CWF19L2: variants seen among roughly 807,000 people sequenced by gnomAD.
CWF19L2 encodes CWF19-like protein 2.
CWF19L2 carries 98 observed loss-of-function variants against 111.7 expected under a neutral mutation model. The observed-to-expected ratio is 0.88, with a 90% CI of 0.75 to 1.04. The LOEUF (loss-of-function observed/expected upper bound fraction) is 1.04. CWF19L2 is among the 50% of genes least tolerant of loss of function. The probability of loss-of-function intolerance (pLI) is 0.00; values close to 1 mark genes in which losing one functional copy is unlikely to be tolerated. For synonymous variants in CWF19L2, 351 were observed against 342.9 expected, an observed-to-expected ratio of 1.02 and a Z score of -0.26; for missense variants, 1,101 against 1,051.4, an observed-to-expected ratio of 1.05 and a Z score of -0.65.
chr11:107,424,054 C>CAT (rs1861340033), intron 8 of CWF19L2, among the ~76,000 whole-genome samples: 1 of 151,682 alleles, frequency 6.6e-6, no homozygotes, highest in African/African-American at 2.4e-5. Context: ...ACTGACTCTC[C>CAT]ATATATAGAT....
At chr11:107,445,301 T>C (rs1229354872) in intron 3 of CWF19L2, among the ~76,000 whole-genome samples, 1 of 152,194 alleles carries the variant, frequency 6.6e-6, no homozygotes, top group Non-Finnish European at 1.5e-5. Context: ...ATTCTCTTCT[T>C]TGATCCTTAA....
chr11:107,345,597 TA>T, intron 14 of CWF19L2: 1 of 363,408 alleles, frequency 2.8e-6, no homozygotes. Context: ...ATAAAATATA[TA>T]AACCTCATAC....
At chr11:107,378,509 T>C (rs550547151) in intron 12 of CWF19L2, among the ~76,000 whole-genome samples, 4 of 152,228 alleles carry the variant, frequency 2.6e-5, no homozygotes, top group East Asian at 1.9e-4. Flanking sequence ...CAGTAAACTA[T>C]TGCAAGAACA....
At chr11:107,444,325 A>G (rs1209971452) in intron 3 of CWF19L2, among the ~76,000 whole-genome samples, 8 of 152,126 alleles carry the variant, frequency 5.3e-5, no homozygotes, top group African/African-American at 1.9e-4. Context: ...AGTGGCTTCC[A>G]CTGTGCCGAA....
intron 14 of CWF19L2, among the ~76,000 whole-genome samples, chr11:107,348,543 C>T (rs189707240): frequency 1.7e-3 from 263 of 152,254 alleles, no homozygotes; most frequent in Non-Finnish European, 2.1e-3. Context: ...ACGGCAACCG[C>T]TAAATATAAA....
chr11:107,364,249 C>A (rs1369455336), intron 12 of CWF19L2, among the ~76,000 whole-genome samples: 1 of 144,350 alleles, frequency 6.9e-6, no homozygotes, highest in Admixed American at 6.8e-5. Flanking sequence ...CCACTGTCAA[C>A]ATTAGACAGA....
intron 11 of CWF19L2, among the ~76,000 whole-genome samples, chr11:107,392,520 G>A (rs1013333856): frequency 6.6e-6 from 1 of 151,982 alleles, no homozygotes; most frequent in African/African-American, 2.4e-5. Flanking sequence ...CAACATCAAA[G>A]AAATGTACAC....
intron 12 of CWF19L2, among the ~76,000 whole-genome samples, chr11:107,387,190 T>C (rs1354895382): frequency 1.3e-5 from 2 of 152,118 alleles, no homozygotes; most frequent in Non-Finnish European, 2.9e-5. Flanking sequence ...ATTCTTGATT[T>C]CCCACTCCCC....
In CWF19L2 at chr11:107,420,521, G is replaced by A. The variant is rs1861288316; in HGVS notation, c.1434-2234C>T. Among the ~76,000 whole-genome samples the A allele has an allele frequency of 3.9e-5, 6 of 151,976 alleles. No individual in the cohort carries two copies. In the South Asian group the frequency reaches 1.2e-3, roughly 31 times the overall value. ...AGAAATAAACAAATCCACAATTATA[G>A]CTATAAATTTCAATACCTCTCTCTC... On this transcript the variant is annotated intron_variant, in intron 8 of 17. Transcript: ENST00000282251.
chr11:107,418,068 G>A, intron 9 of CWF19L2, 126 bp downstream of exon 9: 1 of 680,664 alleles, frequency 1.5e-6, no homozygotes, highest in South Asian at 1.6e-5. Flanking sequence ...ATTTCTTTAA[G>A]GAATCAATAA....
intron 12 of CWF19L2, among the ~76,000 whole-genome samples, chr11:107,362,158 G>C (rs935785649): frequency 5.3e-5 from 8 of 152,146 alleles, no homozygotes; most frequent in East Asian, 1.9e-4. Flanking sequence ...TCCCGCACCT[G>C]GCTCGGAGGG....
intron 3 of CWF19L2, among the ~76,000 whole-genome samples, chr11:107,443,617 C>G (rs1591208775): frequency 6.6e-6 from 1 of 151,382 alleles, no homozygotes; most frequent in South Asian, 2.1e-4. Flanking sequence ...AAAATGGGAA[C>G]TGCCAAGTAG....
chr11:107,335,990 G>A (rs779125949), intron 15 of CWF19L2, among the ~76,000 whole-genome samples: 1 of 152,112 alleles, frequency 6.6e-6, no homozygotes, highest in East Asian at 1.9e-4. Flanking sequence ...GGGAGGCTGA[G>A]GCGGGCAGAT....
At position 107,433,880 on chromosome 11, in the gene CWF19L2, TTATATATATATATATATATA is replaced by T. The variant is rs61304388; in HGVS notation, c.665-151_665-132del. On this transcript the variant is annotated intron_variant, in intron 6 of 17. Transcript: ENST00000282251. ...TAAATATATAAGTGCCTTTGGAATTTTATATATATATATATATATATATATATATATATATATATATTTCA... is the reference window on the plus strand; with the variant it reads ...TAAATATATAAGTGCCTTTGGAATTTTATATATATATATATATATATTTCA... The T allele has an allele frequency of 6.0e-4, 73 of 122,246 alleles. 1 individual carries two copies. The East Asian group carries it at 0.013, about 21-fold the overall frequency. The allele number at this position is 122,246 out of a possible 1,614,324, so 7.6% of individuals were successfully genotyped here.
chr11:107,346,013 C>T (rs1860074595), intron 14 of CWF19L2, among the ~76,000 whole-genome samples: 1 of 152,082 alleles, frequency 6.6e-6, no homozygotes, highest in African/African-American at 2.4e-5. Flanking sequence ...ATCTAATTGC[C>T]CATTCCTCAT....
At chr11:107,337,664 C>T (rs1267357800) in intron 14 of CWF19L2, among the ~76,000 whole-genome samples, 8 of 152,190 alleles carry the variant, frequency 5.3e-5, no homozygotes, top group Admixed American at 4.6e-4. Flanking sequence ...CCTGTAATCC[C>T]AGCACTTTGG....
chr11:107,416,351 C>A, intron 9 of CWF19L2, 53 bp from the exon 10 acceptor site: 4 of 755,082 alleles, frequency 5.3e-6, no homozygotes, highest in Non-Finnish European at 7.9e-6. Context: ...TAATTCTTTA[C>A]GACAAAATGT....
chr11:107,347,250 T>C (rs1179029717), intron 14 of CWF19L2, among the ~76,000 whole-genome samples: 1 of 152,200 alleles, frequency 6.6e-6, no homozygotes, highest in South Asian at 2.1e-4. Flanking sequence ...TAAATATTAC[T>C]AGATACTGGT....
rs1200555069 is a variant in CWF19L2 at position 107,369,890 on chromosome 11, T to G, written c.1873-16154A>C. Among the ~76,000 whole-genome samples the G allele has an allele frequency of 1.4e-5, 2 of 138,390 alleles. 1 individual carries two copies. The highest frequency in any genetic ancestry group is 3.1e-5 in the Non-Finnish European group (2 of 64,328). The allele number at this position is 138,390 out of a possible 152,430, so 90.8% of individuals were successfully genotyped here. ...TAATATTACCTAGTTCTTTTACAAA[T>G]AATTAAAACTAACTTTCAAGTGTTA... is the stretch of plus-strand genomic sequence containing the variant. On this transcript the variant is annotated intron_variant, in intron 12 of 17. Transcript: ENST00000282251.
Sources: allele counts gnomAD v4.1 joint callset (sites outside exome capture counted in the v4.1 genomes callset), GRCh38; gene constraint gnomAD v4.1.1; transcripts MANE v1.5; gene names NCBI Gene and HGNC (gene_info 2026-07-23, HGNC 2026-07-21).